ALDH16A1: variants seen among roughly 807,000 people sequenced by gnomAD.
The protein encoded by ALDH16A1 is aldehyde dehydrogenase family 16 member A1.
A neutral mutation model predicts 96.1 loss-of-function variants in ALDH16A1; 88 were observed. That is an observed-to-expected ratio of 0.92 (90% CI 0.77 to 1.09). The LOEUF (loss-of-function observed/expected upper bound fraction) is 1.09, where lower values mean the gene tolerates loss of function less well. Ranked by LOEUF, ALDH16A1 falls within the 50% of genes least tolerant of loss-of-function variation. ALDH16A1 has a pLI of 0.00. For synonymous variants in ALDH16A1, 522 were observed against 496.4 expected, an observed-to-expected ratio of 1.05 and a Z score of -0.69; for missense variants, 1,250 against 1,112.6, an observed-to-expected ratio of 1.12 and a Z score of -1.76.
chr19:49,459,884 A>T lies in ALDH16A1; in HGVS notation c.499+36A>T. 2.1e-5 allele frequency: 33 copies of T among 1,590,550 alleles called. No homozygotes were observed. The highest frequency in any genetic ancestry group is 2.7e-5 in the Non-Finnish European group (32 of 1,170,262). On this transcript the variant is annotated intron_variant, in intron 4 of 16. Coordinates refer to ENST00000293350, the MANE Select transcript of ALDH16A1 (RefSeq NM_153329.4). This position sits in a 1 kb window ranked among gnomAD's most constrained non-coding sequence, Gnocchi z 4.1. ...GGAGTCCCTAGCCCTATCCTCCCACATGACTCAGCAGTGCTAGCTCCAGTC... is the reference window on the plus strand; with the variant it reads ...GGAGTCCCTAGCCCTATCCTCCCACTTGACTCAGCAGTGCTAGCTCCAGTC...
At position 49,461,645 on chromosome 19, in the gene ALDH16A1, C is replaced by A. The variant is rs775029686; in HGVS notation, c.604C>A (p.Pro202Thr). The stretch of plus-strand genomic sequence containing the variant: ...CTGCACCGTGGTGGCCCTCGTGCCC[C>A]CGGCCTCCCCGGCGCCCCTCCTCCT... ...VGCTVVALVPPASPAPLLLAQ... is the reference protein window; with the variant it reads ...VGCTVVALVPTASPAPLLLAQ... Residue 202 changes from proline (P) to threonine (T), a missense_variant, in exon 6 of 17, where the codon CCG becomes ACG. Physicochemically the swap from Pro to Thr is conservative, Grantham distance 38. Coordinates refer to ENST00000293350, the MANE Select transcript of ALDH16A1 (RefSeq NM_153329.4). The A allele has an allele frequency of 6.3e-7, 1 of 1,599,722 alleles. No homozygotes were observed. The highest frequency in any genetic ancestry group is 8.5e-7 in the Non-Finnish European group (1 of 1,173,668).
rs764346150 is a variant in ALDH16A1, at chr19:49,468,246, C to T, written c.1939-135C>T. On this transcript the variant is annotated intron_variant, in intron 14 of 16. Transcript: ENST00000293350. This position sits in a 1 kb window ranked among gnomAD's most constrained non-coding sequence, Gnocchi z 4.4. Reference sequence around the variant, plus strand: ...AATGATTCACTTTGACCAGCGTCTGCGAAATGGCAGGGGCTTCCACAATGG... The same window carrying T: ...AATGATTCACTTTGACCAGCGTCTGTGAAATGGCAGGGGCTTCCACAATGG... The T allele has an allele frequency of 1.5e-5, 13 of 869,270 alleles. No individual in the cohort carries two copies. Among genetic ancestry groups the T allele is most frequent in the African/African-American group, 6.8e-5 (4 of 58,618 alleles). 53.8% of individuals were successfully genotyped at this position (869,270 alleles called of 1,614,324 possible).
At chr19:49,466,014 A>G in intron 13 of ALDH16A1, 68 bp from the exon 14 acceptor site, 1 of 1,538,558 alleles carries the variant, frequency 6.5e-7, no homozygotes, top group Non-Finnish European at 8.8e-7. Flanking sequence ...GGGGCTGTGG[A>G]CAGAGGTGGG....
rs61732839 is a variant in ALDH16A1, at chr19:49,466,244, G to A, written c.1899G>A (p.Ala633=). The A allele has an allele frequency of 5.8e-3, 8,640 of 1,485,980 alleles. 407 individuals are homozygous for A. In the African/African-American group the frequency reaches 0.1, roughly 18 times the overall value. The allele number at this position is 1,485,980 out of a possible 1,614,324, so 92.0% of individuals were successfully genotyped here. The change falls in exon 14 of 17, where the codon GCG becomes GCA. Residue 633 remains alanine (A), a synonymous_variant. Transcript: ENST00000293350. ...AGCTGAGCGCAAGACGACTTCGGGC[G>A]TGGGGGGCCCGGGTGCAGGCCCAAG... The part of the protein sequence containing the change: ...EVELSARRLR[A]WGARVQAQGH...
Position 49,461,868 on chromosome 19 carries a change from TGGGGGGG to T in ALDH16A1, c.760-14_760-8del, listed in dbSNP as rs201635898. Reference sequence around the variant, plus strand: ...CGCAAGGCTCCTCCTGCGGCTGAACTGGGGGGGGTCCCTAGGAAGGGCGTGCCCTTCG... The same window carrying T: ...CGCAAGGCTCCTCCTGCGGCTGAACTGTCCCTAGGAAGGGCGTGCCCTTCG... On this transcript the variant is annotated splice_polypyrimidine_tract_variant and intron_variant, in intron 6 of 16. Transcript: ENST00000293350. 1 of 1,590,882 alleles carries T rather than the reference TGGGGGGG, an allele frequency of 6.3e-7. No homozygotes were observed.
rs1236974577 is a variant in ALDH16A1, at chr19:49,468,841, C to T, written c.2125-23C>T. The T allele has an allele frequency of 6.2e-7, 1 of 1,607,508 alleles. No homozygotes were observed. ...GCCCTGCCCCCACGGCCTCCCCAACCTTTCACTCTCTCTATCCCCTAGGAC... is the reference window on the plus strand; with the variant it reads ...GCCCTGCCCCCACGGCCTCCCCAACTTTTCACTCTCTCTATCCCCTAGGAC... On this transcript the variant is annotated intron_variant, in intron 15 of 16. Transcript: ENST00000293350. This position sits in a 1 kb window ranked among gnomAD's most constrained non-coding sequence, Gnocchi z 4.4.
intron 4 of ALDH16A1, 105 bp from the exon 5 acceptor site, chr19:49,460,717 T>G (rs2079134574): frequency 2.1e-6 from 2 of 932,336 alleles, no homozygotes; most frequent in African/African-American, 1.7e-5. Flanking sequence ...CCCGGCCATT[T>G]TTTTTTTTTT....
intron 9 of ALDH16A1, 33 bp from the exon 10 acceptor site, chr19:49,464,094 T>C (rs756773398): frequency 6.3e-7 from 1 of 1,599,628 alleles, no homozygotes; most frequent in Non-Finnish European, 8.5e-7. Flanking sequence ...GGGTGGGCCC[T>C]GGAGGGCTGA....
intron 7 of ALDH16A1, among the ~76,000 whole-genome samples, 184 bp from the exon 8 acceptor site, chr19:49,462,386 C>G (rs544466090): frequency 2.4e-4 from 37 of 152,252 alleles, no homozygotes; most frequent in African/African-American, 8.2e-4. Flanking sequence ...CCGCCCACCT[C>G]GGCCTCCCAA....
chr19:49,453,446 G>T, intron 1 of ALDH16A1, 25 bp downstream of exon 1: 2 of 1,509,744 alleles, frequency 1.3e-6, no homozygotes, highest in Non-Finnish European at 1.8e-6. Flanking sequence ...GGCCGGCGCT[G>T]CTCGCTGCGT....
intron 1 of ALDH16A1, 34 bp from the exon 2 acceptor site, chr19:49,458,452 G>A (rs767115855): frequency 3.2e-5 from 49 of 1,536,596 alleles, no homozygotes; most frequent in Admixed American, 2.0e-4. Context: ...AGCTCCTCCC[G>A]AACCCCTTTC....
At chr19:49,462,453 C>A in intron 7 of ALDH16A1, 117 bp from the exon 8 acceptor site, 1 of 1,283,938 alleles carries the variant, frequency 7.8e-7, no homozygotes, top group Non-Finnish European at 1.1e-6. Flanking sequence ...CTTTAGGACT[C>A]TGTTGATTTA....
chr19:49,461,571 G>A lies in ALDH16A1; in HGVS notation c.578-48G>A, dbSNP rs1467339551. The A allele has an allele frequency of 1.1e-5, 16 of 1,405,452 alleles. 3 individuals carry two copies. The highest frequency in any genetic ancestry group is 2.8e-5 in the Admixed American group (1 of 35,512). 87.1% of individuals were successfully genotyped at this position (1,405,452 alleles called of 1,614,324 possible). On this transcript the variant is annotated intron_variant, in intron 5 of 16. Coordinates refer to ENST00000293350, the MANE Select transcript of ALDH16A1 (RefSeq NM_153329.4). ...CCAGATTCCTGGGTCTGAGGGAGGAGGGGCTGGGCCTGGACTCCTGGGCCT... is the reference window on the plus strand; with the variant it reads ...CCAGATTCCTGGGTCTGAGGGAGGAAGGGCTGGGCCTGGACTCCTGGGCCT...
chr19:49,461,888 G>C lies in ALDH16A1; in HGVS notation c.764G>C (p.Gly255Ala), dbSNP rs763896254. The change falls in exon 7 of 17, where the codon GGG becomes GCG. Residue 255 changes from glycine (G) to alanine (A), a missense_variant. Physicochemically the swap from Gly to Ala is moderately conservative, Grantham distance 60. Coordinates refer to ENST00000293350, the MANE Select transcript of ALDH16A1 (RefSeq NM_153329.4). ...TGAACTGGGGGGGGTCCCTAGGAAG[G>C]GCGTGCCCTTCGACGGAGCCTGGCG... ...KVAFCGAPEE[G>A]RALRRSLAGE... 3.8e-6 allele frequency: 6 copies of C among 1,587,690 alleles called. No homozygotes were observed. The highest frequency in any genetic ancestry group is 5.1e-6 in the Non-Finnish European group (6 of 1,167,370).
chr19:49,457,758 C>T (rs1039748394), intron 1 of ALDH16A1, among the ~76,000 whole-genome samples: 1 of 151,632 alleles, frequency 6.6e-6, no homozygotes, highest in African/African-American at 2.4e-5. Flanking sequence ...TACAGGCACT[C>T]ACCACCACAC....
At chr19:49,457,063 G>A (rs1037435404) in intron 1 of ALDH16A1, among the ~76,000 whole-genome samples, 12 of 150,886 alleles carry the variant, frequency 8.0e-5, no homozygotes, top group Admixed American at 7.3e-4. Flanking sequence ...AGCTGAGATC[G>A]CACCATTGCA....
intron 1 of ALDH16A1, 37 bp downstream of exon 1, chr19:49,453,458 C>T (rs866142566): frequency 1.3e-6 from 2 of 1,495,366 alleles, no homozygotes; most frequent in Non-Finnish European, 9.0e-7. Context: ...TCGCTGCGTT[C>T]CCCAGGCCTG....
intron 6 of ALDH16A1, 23 bp downstream of exon 6, chr19:49,461,823 G>A (rs747702212): frequency 6.1e-5 from 98 of 1,605,502 alleles, no homozygotes; most frequent in Non-Finnish European, 7.7e-5. Flanking sequence ...CAGGGGTCGT[G>A]GCGGAACGCG....
At position 49,470,432 on chromosome 19, in the gene ALDH16A1, C is replaced by T. The variant is rs371721859; in HGVS notation, c.2374C>T (p.Arg792Trp). 1.2e-5 allele frequency: 19 copies of T among 1,603,788 alleles called. No individual in the cohort carries two copies. The highest frequency in any genetic ancestry group is 1.7e-4 in the Middle Eastern group (1 of 5,902). Residue 792 changes from arginine (R) to tryptophan (W), a missense_variant, in exon 17 of 17, where the codon CGG (arginine) becomes TGG (tryptophan). Physicochemically the swap from Arg to Trp is moderately radical, Grantham distance 101 (BLOSUM62 -3). Transcript: ENST00000293350. Reference sequence around the variant, plus strand: ...CCCAGAGCTGGGGCTGCGAGTGGCGCGGACCAAGGCCCTGTGGCTGCCTAT... The same window carrying T: ...CCCAGAGCTGGGGCTGCGAGTGGCGTGGACCAAGGCCCTGTGGCTGCCTAT... ...AGPELGLRVARTKALWLPMGD is the reference protein window; with the variant it reads ...AGPELGLRVAWTKALWLPMGD
Sources: gnomAD v4.1 joint callset for allele counts (sites outside exome capture counted in the v4.1 genomes callset) on GRCh38, gnomAD v4.1.1 for gene constraint, Gnocchi (gnomAD v3.1) non-coding constraint, MANE v1.5 for transcripts, NCBI Gene and HGNC (gene_info 2026-07-23, HGNC 2026-07-21) for gene names.